Variants in DNAH14 observed in about 807,000 individuals in gnomAD.
DNAH14 encodes the protein dynein axonemal heavy chain 14.
Under a neutral mutation model 520.9 loss-of-function variants are expected in DNAH14, and 478 were observed. The ratio of observed to expected loss-of-function variants is 0.92; its 90% CI spans 0.85 to 0.99. DNAH14 has a LOEUF of 0.99. Ranked by LOEUF, DNAH14 falls within the 50% of genes least tolerant of loss-of-function variation. The probability of loss-of-function intolerance (pLI) is 0.00; values close to 1 mark genes in which losing one functional copy is unlikely to be tolerated. For synonymous variants in DNAH14, 1,581 were observed against 1,757.2 expected, an observed-to-expected ratio of 0.90 and a Z score of 2.51; for missense variants, 4,831 against 5,234.5, an observed-to-expected ratio of 0.92 and a Z score of 2.38.
intron 10 of DNAH14, among the ~76,000 whole-genome samples, chr1:225,014,020 C>T (rs1473782154): frequency 2.6e-5 from 4 of 152,096 alleles, no homozygotes; most frequent in African/African-American, 9.7e-5. Context: ...ACTCCTGCAG[C>T]TAGCTCGGAT....
intron 3 of DNAH14, among the ~76,000 whole-genome samples, 157 bp from the exon 4 acceptor site, chr1:224,959,996 A>G (rs981721951): frequency 6.6e-6 from 1 of 152,136 alleles, no homozygotes; most frequent in African/African-American, 2.4e-5. Context: ...CTTGTATATG[A>G]GCTTGGAACC....
intron 23 of DNAH14, among the ~76,000 whole-genome samples, chr1:225,116,714 A>G (rs1211304698): frequency 6.6e-6 from 1 of 152,202 alleles, no homozygotes; most frequent in East Asian, 1.9e-4. Flanking sequence ...TGGGTCCAAG[A>G]GGGACTTTTG....
At chr1:225,007,658 T>A (rs561926578) in intron 10 of DNAH14, 114 bp downstream of exon 10, 1 of 879,162 alleles carries the variant, frequency 1.1e-6, no homozygotes, top group African/African-American at 1.7e-5. Context: ...GGAACAAAGG[T>A]GGTTAATTAA....
At chr1:225,398,181 T>C in intron 84 of DNAH14, 1 of 198,504 alleles carries the variant, frequency 5.0e-6, no homozygotes, top group Non-Finnish European at 1.0e-5. Context: ...CTTTTGTAAC[T>C]GTTCTTGTTC....
chr1:224,979,401 C>T (rs193055870), intron 8 of DNAH14, among the ~76,000 whole-genome samples: 7 of 152,214 alleles, frequency 4.6e-5, no homozygotes, highest in Admixed American at 1.3e-4. Context: ...AAAACCCAGC[C>T]GAACTCAACT....
In DNAH14 at chr1:225,239,570, G is replaced by A. The variant is rs1032076794; in HGVS notation, c.6519-1023G>A. Among the ~76,000 whole-genome samples, 10 of 152,130 alleles carry A rather than the reference G, an allele frequency of 6.6e-5. No individual in the cohort carries two copies. The East Asian group carries it at 7.7e-4, about 12-fold the overall frequency. On this transcript the variant is annotated intron_variant, in intron 42 of 85. Coordinates refer to ENST00000682510, the MANE Select transcript of DNAH14 (RefSeq NM_001367479.1). Reference sequence around the variant, plus strand: ...TCAGTTGAAGGTGCTGACTTCTCTCGCTGCTTTCATTCCTCTTTGTGAGTG... The same window carrying A: ...TCAGTTGAAGGTGCTGACTTCTCTCACTGCTTTCATTCCTCTTTGTGAGTG...
chr1:225,045,471 A>T (rs2148252225), intron 15 of DNAH14, among the ~76,000 whole-genome samples: 1 of 152,088 alleles, frequency 6.6e-6, no homozygotes, highest in Non-Finnish European at 1.5e-5. Flanking sequence ...CTGTGCCAGG[A>T]TCTAATCCCG....
chr1:224,991,333 C>T (rs1246417712), intron 8 of DNAH14, among the ~76,000 whole-genome samples: 1 of 151,132 alleles, frequency 6.6e-6, no homozygotes, highest in Non-Finnish European at 1.5e-5. Context: ...TCTTGATCTC[C>T]TGACCTTGTG....
chr1:225,228,571 T>A (rs1042054510), intron 41 of DNAH14, among the ~76,000 whole-genome samples: 4 of 151,854 alleles, frequency 2.6e-5, no homozygotes, highest in Non-Finnish European at 5.9e-5. Flanking sequence ...TGGAATGATG[T>A]GCAAGGACAT....
chr1:225,014,527 A>G (rs1278036831), intron 10 of DNAH14, among the ~76,000 whole-genome samples: 1 of 152,064 alleles, frequency 6.6e-6, no homozygotes, highest in Non-Finnish European at 1.5e-5. Context: ...CATTTGTTCA[A>G]AGAATTTCAA....
intron 15 of DNAH14, among the ~76,000 whole-genome samples, chr1:225,048,072 C>G (rs1003206861): frequency 1.3e-5 from 2 of 152,224 alleles, no homozygotes; most frequent in Non-Finnish European, 2.9e-5. Flanking sequence ...TAGTCACACT[C>G]TCTCCATTCC....
intron 41 of DNAH14, among the ~76,000 whole-genome samples, chr1:225,210,538 C>A (rs1359281982): frequency 6.6e-6 from 1 of 150,742 alleles, no homozygotes; most frequent in African/African-American, 2.5e-5. Flanking sequence ...AAACTCCCAT[C>A]TGCCTGGGAC....
intron 11 of DNAH14, among the ~76,000 whole-genome samples, chr1:225,028,177 C>A (rs113902195): frequency 0.042 from 6,329 of 152,136 alleles, 216 homozygotes; most frequent in Non-Finnish European, 0.061. Flanking sequence ...TACCACCTAT[C>A]TTCTGAAAAT....
chr1:225,294,083 T>C (rs1239886169), intron 55 of DNAH14, among the ~76,000 whole-genome samples: 3 of 152,154 alleles, frequency 2.0e-5, no homozygotes, highest in Non-Finnish European at 4.4e-5. Flanking sequence ...GTTTGTCACA[T>C]ATGGCCTTTA....
chr1:225,068,166 G>T (rs1443849257), intron 17 of DNAH14, among the ~76,000 whole-genome samples: 1 of 152,116 alleles, frequency 6.6e-6, no homozygotes, highest in African/African-American at 2.4e-5. Flanking sequence ...TTCAGCATAT[G>T]GCTAGCCAGT....
chr1:225,244,648 T>G (rs953161258), intron 43 of DNAH14, among the ~76,000 whole-genome samples: 3 of 152,188 alleles, frequency 2.0e-5, no homozygotes, highest in African/African-American at 7.2e-5. Flanking sequence ...TAGAGGTTTT[T>G]ATATTAATCT....
At chr1:225,134,422 GT>G (rs2078768213) in intron 27 of DNAH14, among the ~76,000 whole-genome samples, 1 of 152,096 alleles carries the variant, frequency 6.6e-6, no homozygotes. Flanking sequence ...TTTATTGAGA[GT>G]TTTTAACATG....
At chr1:225,292,400 G>A (rs1236918509) in intron 55 of DNAH14, among the ~76,000 whole-genome samples, 2 of 152,074 alleles carry the variant, frequency 1.3e-5, no homozygotes, top group African/African-American at 4.8e-5. Flanking sequence ...TCAAAAATGA[G>A]TTGGCCATTG....
intron 15 of DNAH14, among the ~76,000 whole-genome samples, chr1:225,044,821 A>G (rs957001887): frequency 6.6e-6 from 1 of 152,168 alleles, no homozygotes; most frequent in Admixed American, 6.5e-5. Flanking sequence ...TTTCTTGCTG[A>G]GTAAAATCCA....
Sources: gnomAD v4.1 joint callset for allele counts (sites outside exome capture counted in the v4.1 genomes callset) on GRCh38, gnomAD v4.1.1 for gene constraint, MANE v1.5 for transcripts, NCBI Gene and HGNC (gene_info 2026-07-23, HGNC 2026-07-21) for gene names.